TMEM108: variants seen among roughly 807,000 people sequenced by gnomAD.
TMEM108 encodes cancer/testis antigen 124.
A neutral mutation model predicts 35.1 loss-of-function variants in TMEM108; 12 were observed. That is an observed-to-expected ratio of 0.34 (90% CI 0.22 to 0.55). The LOEUF (loss-of-function observed/expected upper bound fraction) is 0.55. TMEM108 is among the 20% of genes least tolerant of loss of function. The pLI, the probability that TMEM108 is intolerant of heterozygous loss-of-function variation, is 0.89. For synonymous variants in TMEM108, 287 were observed against 308.6 expected (o/e 0.93, Z 0.73); for missense variants, 680 against 753.3 (o/e 0.90, Z 1.14).
intron 2 of TMEM108, among the ~76,000 whole-genome samples, chr3:133,120,618 A>C (rs930486136): frequency 2.0e-5 from 3 of 152,020 alleles, no homozygotes; most frequent in Admixed American, 6.5e-5. Flanking sequence ...CTAATTTTTC[A>C]CTTTGTTATA....
intron 2 of TMEM108, among the ~76,000 whole-genome samples, chr3:133,135,093 A>T (rs1380529461): frequency 6.7e-6 from 1 of 150,032 alleles, no homozygotes; most frequent in Admixed American, 6.6e-5. Context: ...TTCTTTTCCC[A>T]TCTGTTTATC....
intron 2 of TMEM108, among the ~76,000 whole-genome samples, chr3:133,177,547 C>G (rs1945254015): frequency 6.6e-6 from 1 of 152,192 alleles, no homozygotes; most frequent in Non-Finnish European, 1.5e-5. Context: ...AGCATATAAA[C>G]AGAACCAACG....
chr3:133,227,651 C>A (rs546112560), intron 2 of TMEM108, among the ~76,000 whole-genome samples: 2 of 151,544 alleles, frequency 1.3e-5, no homozygotes, highest in Non-Finnish European at 2.9e-5. Flanking sequence ...AATCCCAGCA[C>A]TTTGGGAGGC....
intron 3 of TMEM108, among the ~76,000 whole-genome samples, chr3:133,260,363 A>G (rs1946607835): frequency 6.6e-6 from 1 of 152,170 alleles, no homozygotes; most frequent in African/African-American, 2.4e-5. Flanking sequence ...CTATGATGGC[A>G]TGTGATTAGT....
chr3:133,098,956 C>T (rs564788012), intron 2 of TMEM108, among the ~76,000 whole-genome samples: 1 of 152,276 alleles, frequency 6.6e-6, no homozygotes, highest in East Asian at 1.9e-4. Flanking sequence ...GCCCTCTTCT[C>T]ACAGCTCCAC....
intron 3 of TMEM108, among the ~76,000 whole-genome samples, chr3:133,245,758 A>G (rs1946377073): frequency 6.6e-6 from 1 of 152,246 alleles, no homozygotes; most frequent in African/African-American, 2.4e-5. Context: ...AATGAGAATT[A>G]TGGTCTAGGT....
chr3:133,086,266 A>G (rs752444047), intron 2 of TMEM108, among the ~76,000 whole-genome samples: 2 of 151,666 alleles, frequency 1.3e-5, no homozygotes, highest in Non-Finnish European at 2.9e-5. Context: ...AGTCCACCTT[A>G]GTTCCCTTCT....
chr3:133,242,018 G>A (rs976280111), intron 3 of TMEM108, among the ~76,000 whole-genome samples: 1 of 152,050 alleles, frequency 6.6e-6, no homozygotes, highest in Non-Finnish European at 1.5e-5. Context: ...GGTGTTGAGG[G>A]GAGGCCACAC....
intron 3 of TMEM108, among the ~76,000 whole-genome samples, chr3:133,235,162 A>G (rs950593651): frequency 6.6e-6 from 1 of 152,218 alleles, no homozygotes; most frequent in Non-Finnish European, 1.5e-5. Context: ...AATGTCGTGA[A>G]AATGGCCATA....
At chr3:133,252,055 C>T (rs1435291498) in intron 3 of TMEM108, among the ~76,000 whole-genome samples, 1 of 152,170 alleles carries the variant, frequency 6.6e-6, no homozygotes, top group Non-Finnish European at 1.5e-5. Flanking sequence ...TCTGTTGTTA[C>T]TGTCACCATC....
At chr3:133,298,304 T>C (rs1947173646) in intron 3 of TMEM108, among the ~76,000 whole-genome samples, 1 of 152,172 alleles carries the variant, frequency 6.6e-6, no homozygotes, top group Non-Finnish European at 1.5e-5. Context: ...CCAAGAAGAA[T>C]GTTTCTTCCA....
intron 2 of TMEM108, among the ~76,000 whole-genome samples, chr3:133,211,878 T>G (rs1559869802): frequency 6.6e-6 from 1 of 152,228 alleles, no homozygotes; most frequent in Non-Finnish European, 1.5e-5. Context: ...TTTTCTCTTT[T>G]GTTTGGAATT....
chr3:133,173,704 C>T (rs1401626732), intron 2 of TMEM108, among the ~76,000 whole-genome samples: 3 of 152,044 alleles, frequency 2.0e-5, no homozygotes, highest in African/African-American at 7.3e-5. Context: ...AATAAAATGG[C>T]CAGGGGGTGG....
intron 2 of TMEM108, among the ~76,000 whole-genome samples, chr3:133,137,354 A>G (rs1042238246): frequency 5.3e-5 from 8 of 152,226 alleles, no homozygotes; most frequent in Admixed American, 1.3e-4. Context: ...ATCTTTCAGT[A>G]TGTTTTTCTA....
chr3:133,269,325 A>G (rs1159404983), intron 3 of TMEM108, among the ~76,000 whole-genome samples: 1 of 152,328 alleles, frequency 6.6e-6, no homozygotes, highest in East Asian at 1.9e-4. Context: ...ATACTCCATC[A>G]ATACAATTGA....
intron 2 of TMEM108, among the ~76,000 whole-genome samples, chr3:133,188,270 T>A (rs774398364): frequency 4.6e-5 from 7 of 152,162 alleles, no homozygotes; most frequent in Non-Finnish European, 8.8e-5. Context: ...AGTAGGATAA[T>A]CTCCTCATAT....
chr3:133,040,032 CG>C (rs1559813190), intron 1 of TMEM108, among the ~76,000 whole-genome samples: 1 of 152,028 alleles, frequency 6.6e-6, no homozygotes, highest in Non-Finnish European at 1.5e-5. Context: ...CAAATTTTGT[CG>C]GTTTTCTGAG....
At chr3:133,113,592 C>T (rs1944251800) in intron 2 of TMEM108, among the ~76,000 whole-genome samples, 1 of 152,096 alleles carries the variant, frequency 6.6e-6, no homozygotes, top group Non-Finnish European at 1.5e-5. Context: ...CCCCACAAGA[C>T]AAGTAATAAT....
intron 2 of TMEM108, among the ~76,000 whole-genome samples, chr3:133,204,430 G>C (rs926263711): frequency 6.6e-6 from 1 of 152,018 alleles, no homozygotes; most frequent in Non-Finnish European, 1.5e-5. Context: ...TTTCTCCTGT[G>C]GGCATTTAAT....
Sources: allele counts gnomAD v4.1 joint callset (sites outside exome capture counted in the v4.1 genomes callset), GRCh38; gene constraint gnomAD v4.1.1; transcripts MANE v1.5; gene names NCBI Gene and HGNC (gene_info 2026-07-23, HGNC 2026-07-21).